Variants in SGCZ observed in about 807,000 individuals in gnomAD.
SGCZ encodes zeta-sarcoglycan.
SGCZ carries 40 observed loss-of-function variants against 41.3 expected under a neutral mutation model. That is an observed-to-expected ratio of 0.97 (90% confidence interval 0.75 to 1.26). SGCZ has a LOEUF of 1.26. Among genes scored for constraint, SGCZ ranks in the 50% most tolerant of loss-of-function variants. The probability of loss-of-function intolerance (pLI) is 0.00; values close to 1 mark genes in which losing one functional copy is unlikely to be tolerated. For synonymous variants in SGCZ, 206 were observed against 137.5 expected (o/e 1.50, Z -3.49); for missense variants, 552 against 369.8 (o/e 1.49, Z -4.04).
chr8:14,157,088 G>C (rs970379922), intron 5 of SGCZ, among the ~76,000 whole-genome samples: 1 of 151,970 alleles, frequency 6.6e-6, no homozygotes, highest in Non-Finnish European at 1.5e-5. Flanking sequence ...TGGCTGCAAA[G>C]TAGGTTTGTT....
At chr8:15,135,840 T>C (rs1170708533) in intron 1 of SGCZ, among the ~76,000 whole-genome samples, 2 of 152,116 alleles carry the variant, frequency 1.3e-5, no homozygotes, top group Non-Finnish European at 2.9e-5. Context: ...AGCAGAGGGA[T>C]TGCTCCTTGA....
intron 4 of SGCZ, among the ~76,000 whole-genome samples, chr8:14,198,773 C>T (rs1221749226): frequency 6.6e-6 from 1 of 152,094 alleles, no homozygotes; most frequent in East Asian, 1.9e-4. Flanking sequence ...TTTATTAGTT[C>T]CCCAAATTAA....
At chr8:14,659,013 C>A (rs555760734) in intron 1 of SGCZ, among the ~76,000 whole-genome samples, 5 of 151,750 alleles carry the variant, frequency 3.3e-5, no homozygotes, top group Admixed American at 3.3e-4. Flanking sequence ...TGTTAAGTAC[C>A]CAATGTGAAA....
At chr8:14,170,133 A>T (rs1413181770) in intron 4 of SGCZ, among the ~76,000 whole-genome samples, 1 of 149,914 alleles carries the variant, frequency 6.7e-6, no homozygotes, top group Non-Finnish European at 1.5e-5. Context: ...CTTAACCTTT[A>T]TTAAATAGAA....
At chr8:14,441,393 G>T (rs528319012) in intron 2 of SGCZ, among the ~76,000 whole-genome samples, 48 of 152,014 alleles carry the variant, frequency 3.2e-4, no homozygotes, top group African/African-American at 1.2e-3. Flanking sequence ...TGTCCAACAT[G>T]GTGAAACCCC....
intron 2 of SGCZ, among the ~76,000 whole-genome samples, chr8:14,412,568 T>A (rs1384592448): frequency 6.6e-6 from 1 of 152,096 alleles, no homozygotes. Context: ...TAAAAACACA[T>A]ACTCTGCATT....
At chr8:14,798,012 C>T (rs925107162) in intron 1 of SGCZ, among the ~76,000 whole-genome samples, 6 of 152,210 alleles carry the variant, frequency 3.9e-5, no homozygotes, top group Non-Finnish European at 7.3e-5. Flanking sequence ...AAGTTTGCTG[C>T]AGGGGCGGGG....
rs193018248 is a variant in SGCZ, at chr8:14,750,254, C to A, written c.40-195328G>T. Among the ~76,000 whole-genome samples, 107 of 151,948 alleles carry A rather than the reference C, an allele frequency of 7.0e-4. 1 individual carries two copies. Among genetic ancestry groups the A allele is most frequent in the South Asian group, 1.7e-3 (8 of 4,820 alleles). ...CTGTTACCTGTCCTGAGACTTAGGACCCAAGCAGGATTTAACAAGTAGTTT... is the reference window on the plus strand; with the variant it reads ...CTGTTACCTGTCCTGAGACTTAGGAACCAAGCAGGATTTAACAAGTAGTTT... On this transcript the variant is annotated intron_variant, in intron 1 of 7. Coordinates refer to ENST00000382080, the MANE Select transcript of SGCZ (RefSeq NM_139167.4).
At chr8:15,093,618 A>G (rs1414714425) in intron 1 of SGCZ, among the ~76,000 whole-genome samples, 1 of 152,216 alleles carries the variant, frequency 6.6e-6, no homozygotes, top group African/African-American at 2.4e-5. Flanking sequence ...TTTGGCTTAA[A>G]TGGTAGGCAT....
intron 1 of SGCZ, among the ~76,000 whole-genome samples, chr8:14,860,239 G>A (rs762530273): frequency 1.3e-5 from 2 of 150,256 alleles, no homozygotes; most frequent in Admixed American, 6.7e-5. Flanking sequence ...ACCTTCGTTC[G>A]AAAATGCTTA....
intron 1 of SGCZ, among the ~76,000 whole-genome samples, chr8:14,698,983 C>T (rs927678274): frequency 1.3e-4 from 20 of 151,614 alleles, no homozygotes; most frequent in Middle Eastern, 3.2e-3. Flanking sequence ...AAATAAAATA[C>T]GGTAATAAAC....
Position 14,135,599 on chromosome 8 carries a change from A to G in SGCZ, c.548-27364T>C, listed in dbSNP as rs142962951. Reference sequence around the variant, plus strand: ...ACAAAATGCAAACTATTAAAACTCAATCGACATGAAATAAACAATCTGAAT... The same window carrying G: ...ACAAAATGCAAACTATTAAAACTCAGTCGACATGAAATAAACAATCTGAAT... On this transcript the variant is annotated intron_variant, in intron 5 of 7. Coordinates refer to ENST00000382080, the MANE Select transcript of SGCZ (RefSeq NM_139167.4). Among the ~76,000 whole-genome samples the G allele has an allele frequency of 6.5e-3, 986 of 152,324 alleles. 6 individuals carry two copies. The highest frequency in any genetic ancestry group is 0.023 in the African/African-American group (938 of 41,574).
intron 2 of SGCZ, among the ~76,000 whole-genome samples, chr8:14,440,682 CGTA>C (rs1800225060): frequency 1.7e-5 from 2 of 115,944 alleles, no homozygotes; most frequent in Admixed American, 1.6e-4. Context: ...TATATACATA[CGTA>C]TACACGTATA....
At chr8:14,473,937 C>A (rs369504991) in intron 2 of SGCZ, among the ~76,000 whole-genome samples, 74 of 141,396 alleles carry the variant, frequency 5.2e-4, no homozygotes, top group Admixed American at 7.8e-4. Flanking sequence ...GACCCTGTCT[C>A]AAAAAAAAAA....
intron 1 of SGCZ, among the ~76,000 whole-genome samples, chr8:14,803,152 T>C (rs1005403943): frequency 1.3e-5 from 2 of 152,160 alleles, no homozygotes; most frequent in Non-Finnish European, 2.9e-5. Context: ...AAATAAAATA[T>C]TGCATATGAA....
intron 1 of SGCZ, among the ~76,000 whole-genome samples, chr8:14,977,892 C>G (rs998130052): frequency 1.4e-5 from 2 of 147,346 alleles, no homozygotes; most frequent in African/African-American, 5.0e-5. Flanking sequence ...CACACACACA[C>G]ACACACACAC....
chr8:14,470,652 T>C (rs896178062), intron 2 of SGCZ, among the ~76,000 whole-genome samples: 4 of 152,290 alleles, frequency 2.6e-5, no homozygotes, highest in African/African-American at 9.6e-5. Context: ...AAAGACTAAC[T>C]ATATGACGGT....
At chr8:14,255,737 C>T (rs1036406321) in intron 3 of SGCZ, among the ~76,000 whole-genome samples, 4 of 151,866 alleles carry the variant, frequency 2.6e-5, no homozygotes, top group South Asian at 4.1e-4. Flanking sequence ...ATATATGCTA[C>T]CTTTGCAGTA....
intron 1 of SGCZ, among the ~76,000 whole-genome samples, chr8:15,208,521 A>C (rs897768855): frequency 6.6e-6 from 1 of 152,180 alleles, no homozygotes; most frequent in Non-Finnish European, 1.5e-5. Context: ...AAAAATAGTG[A>C]TTCTCTTCCC....
Sources: allele counts gnomAD v4.1 joint callset (sites outside exome capture counted in the v4.1 genomes callset), GRCh38; gene constraint gnomAD v4.1.1; transcripts MANE v1.5; gene names NCBI Gene and HGNC (gene_info 2026-07-23, HGNC 2026-07-21).